SPOCK2: variants seen among roughly 807,000 people sequenced by gnomAD.
SPOCK2 encodes the protein testican-2.
SPOCK2 carries 39 observed loss-of-function variants against 60.1 expected under a neutral mutation model. The ratio of observed to expected loss-of-function variants is 0.65; its 90% confidence interval spans 0.50 to 0.85. SPOCK2 has a LOEUF of 0.85. Among genes scored for constraint, SPOCK2 ranks in the 40% least tolerant of loss-of-function variants. The probability of loss-of-function intolerance (pLI) is 0.00; values close to 1 mark genes in which losing one functional copy is unlikely to be tolerated. For missense variants in SPOCK2, 523 were observed against 567.4 expected (o/e 0.92, Z 0.80); for synonymous variants, 217 against 231.5 (o/e 0.94, Z 0.57).
At chr10:72,078,491 AC>A (rs1156693110) in intron 1 of SPOCK2, among the ~76,000 whole-genome samples, 1 of 152,086 alleles carries the variant, frequency 6.6e-6, no homozygotes. Flanking sequence ...AGCCTGGGCG[AC>A]AGAGTGAGAC....
rs773735518 is a variant in SPOCK2 at position 72,062,469 on chromosome 10, G to A, written c.*291C>T. ...GAAAGAAAACAGCTACAAGGAGGCC[G>A]AAGGGGCCTTTGGGTGACTCACTCT... On this transcript the variant is annotated 3_prime_UTR_variant, in exon 11 of 11. Transcript: ENST00000373109. The surrounding 1 kb of genome is among the most constrained non-coding windows in gnomAD (Gnocchi z 4.3). 1.1e-4 allele frequency: 51 copies of A among 452,694 alleles called. No individual in the cohort carries two copies. Among genetic ancestry groups the A allele is most frequent in the Middle Eastern group, 5.6e-4 (1 of 1,788 alleles). 28.0% of individuals were successfully genotyped at this position (452,694 alleles called of 1,614,324 possible). A position where few individuals can be genotyped will look rare whatever the true frequency, so the allele number is the denominator to read the frequency against.
intron 5 of SPOCK2, chr10:72,070,016 CCT>C (rs1840623318): frequency 1.0e-5 from 3 of 290,464 alleles, no homozygotes; most frequent in Non-Finnish European, 2.0e-5. Context: ...TGAGGTCTTC[CCT>C]CAGTTCCTTT....
In SPOCK2 at chr10:72,066,906, C is replaced by T. The variant is rs1177611820; in HGVS notation, c.924G>A (p.Arg308=). The T allele has an allele frequency of 2.5e-6, 4 of 1,614,042 alleles. No homozygotes were observed. In the South Asian group the frequency reaches 4.4e-5, roughly 18 times the overall value. ...STAEWCFCFW[R]EKPPCLAELE... ...TGGGAGGGGGGCTGCACTCACTCTC[C>T]CTCCAGAAGCAGAAGCACCACTCAG... The change falls in exon 8 of 11, where the codon AGG becomes AGA. Residue 308 remains arginine, a synonymous_variant. Transcript: ENST00000373109.
chr10:72,086,950 A>AAC, intron 1 of SPOCK2: 1 of 1,551,654 alleles, frequency 6.4e-7, no homozygotes, highest in African/African-American at 1.4e-5. Flanking sequence ...GGGAGAGGTC[A>AAC]TGGTGTGGCC....
intron 5 of SPOCK2, among the ~76,000 whole-genome samples, chr10:72,069,817 T>A (rs1018770026): frequency 3.3e-5 from 5 of 152,194 alleles, no homozygotes; most frequent in Non-Finnish European, 7.4e-5. Flanking sequence ...AAAATCCACA[T>A]AAGGTGCAAA....
At position 72,087,792 on chromosome 10, in the gene SPOCK2, ACCGGGTCGGGGTCCAGCGGCAGCCGGGGT is replaced by A. The variant is rs1840881545; in HGVS notation, c.189+319_189+347del. On this transcript the variant is annotated intron_variant, in intron 1 of 10. Transcript: ENST00000373109. This position sits in a 1 kb window ranked among gnomAD's most constrained non-coding sequence, Gnocchi z 4.7. Reference sequence around the variant, plus strand: ...GGCGGCTCGCACAACGCAGCTGGGGACCGGGTCGGGGTCCAGCGGCAGCCGGGGTCCGGGTCCCCCCGGCCCCGCACCCC... The same window carrying A: ...GGCGGCTCGCACAACGCAGCTGGGGACCGGGTCCCCCCGGCCCCGCACCCC... Among the ~76,000 whole-genome samples the A allele has an allele frequency of 6.6e-6, 1 of 151,902 alleles. No homozygotes were observed. The highest frequency in any genetic ancestry group is 2.4e-5 in the African/African-American group (1 of 41,386).
At chr10:72,076,901 T>C (rs893652195) in intron 1 of SPOCK2, among the ~76,000 whole-genome samples, 1 of 152,116 alleles carries the variant, frequency 6.6e-6, no homozygotes, top group Non-Finnish European at 1.5e-5. Context: ...TGAGTCAGGG[T>C]TCCCCATCGC....
At position 72,062,640 on chromosome 10, in the gene SPOCK2, A is replaced by G; in HGVS notation, c.*120T>C. 6.7e-7 allele frequency: 1 copy of G among 1,502,010 alleles called. No homozygotes were observed. The highest frequency in any genetic ancestry group is 8.8e-7 in the Non-Finnish European group (1 of 1,132,642). 93.0% of individuals were successfully genotyped at this position (1,502,010 alleles called of 1,614,324 possible). A position where few individuals can be genotyped will look rare whatever the true frequency, so the allele number is the denominator to read the frequency against. ...ACATGCCATGCACACTCACACTCCCAGTCCCCCCAGGTGGAGCAGGGTCCT... is the reference window on the plus strand; with the variant it reads ...ACATGCCATGCACACTCACACTCCCGGTCCCCCCAGGTGGAGCAGGGTCCT... On this transcript the variant is annotated 3_prime_UTR_variant, in exon 11 of 11. Transcript: ENST00000373109. This position sits in a 1 kb window ranked among gnomAD's most constrained non-coding sequence, Gnocchi z 4.3.
intron 1 of SPOCK2, among the ~76,000 whole-genome samples, chr10:72,078,238 A>G (rs1973000): frequency 0.035 from 5,294 of 152,268 alleles, 313 homozygotes; most frequent in African/African-American, 0.12. Flanking sequence ...ATAATAGGCC[A>G]GGCGCGGTGG....
chr10:72,088,249 T>C lies in SPOCK2; in HGVS notation c.80A>G (p.Lys27Arg), dbSNP rs781474647. 6.8e-6 allele frequency: 11 copies of C among 1,610,552 alleles called. No homozygotes were observed. Among genetic ancestry groups the C allele is most frequent in the East Asian group, 4.5e-5 (2 of 44,816 alleles). Residue 27 changes from lysine to arginine, a missense_variant, in exon 1 of 11, where the codon AAG becomes AGG. Transcript: ENST00000373109. ...GGGGGTCTCGCCCTCCTTGAGCCCC[T>C]TGGCGTCGCCTTCGGCCAGGGCTGC... is the stretch of plus-strand genomic sequence containing the variant. The part of the protein sequence containing the change: ...AAAALAEGDA[K>R]GLKEGETPGN...
rs1564552463 is a variant in SPOCK2 at position 72,087,273 on chromosome 10, A to AG, written c.189+866_189+867insC. On this transcript the variant is annotated intron_variant, in intron 1 of 10. Coordinates refer to ENST00000373109, the MANE Select transcript of SPOCK2 (RefSeq NM_001244950.2). This position sits in a 1 kb window ranked among gnomAD's most constrained non-coding sequence, Gnocchi z 4.7. Reference sequence around the variant, plus strand: ...CTCTGATCCACAGGTGCCGGTAAACAAAAGTGCCGCAGCTACCCCCCCGCC... The same window carrying AG: ...CTCTGATCCACAGGTGCCGGTAAACAGAAAGTGCCGCAGCTACCCCCCCGCC... Among the ~76,000 whole-genome samples the AG allele has an allele frequency of 6.6e-6, 1 of 151,172 alleles. No individual in the cohort carries two copies. Among genetic ancestry groups the AG allele is most frequent in the African/African-American group, 2.4e-5 (1 of 41,080 alleles).
chr10:72,087,992 C>T lies in SPOCK2; in HGVS notation c.189+148G>A. The T allele has an allele frequency of 4.8e-6, 5 of 1,051,216 alleles. No individual in the cohort carries two copies. Among genetic ancestry groups the T allele is most frequent in the Non-Finnish European group, 6.9e-6 (5 of 726,152 alleles). The allele number at this position is 1,051,216 out of a possible 1,614,324, so 65.1% of individuals were successfully genotyped here. On this transcript the variant is annotated intron_variant, in intron 1 of 10. Transcript: ENST00000373109. The surrounding 1 kb of genome is among the most constrained non-coding windows in gnomAD (Gnocchi z 4.7). ...CAGGGGAGGGGCGCTGGGCTGTGAC[C>T]CCCAGTACTGTTTACTTTCCGTGTA...
In SPOCK2 at chr10:72,087,749, G is replaced by A. The variant is rs1197300397; in HGVS notation, c.189+391C>T. Reference sequence around the variant, plus strand: ...TATGTGCAGCCTGCAGCATCCCAGCGGCTGGGGCAGGCCCGGGGGCGGCTC... The same window carrying A: ...TATGTGCAGCCTGCAGCATCCCAGCAGCTGGGGCAGGCCCGGGGGCGGCTC... On this transcript the variant is annotated intron_variant, in intron 1 of 10. Transcript: ENST00000373109. The surrounding 1 kb of genome is among the most constrained non-coding windows in gnomAD (Gnocchi z 4.7). 6.6e-6 allele frequency among the ~76,000 whole-genome samples: 1 copy of A among 152,208 alleles called. No individual in the cohort carries two copies. Among genetic ancestry groups the A allele is most frequent in the Non-Finnish European group, 1.5e-5 (1 of 68,036 alleles).
In SPOCK2 at chr10:72,068,341, AC is replaced by A. The variant is rs1410480607; in HGVS notation, c.475-41del. 1.9e-6 allele frequency: 3 copies of A among 1,542,904 alleles called. No individual in the cohort carries two copies. The African/African-American group carries it at 4.1e-5, about 21-fold the overall frequency. ...AGGTGGAACAGGGGACTGAGGGCTT[AC>A]CCCAGGGGTCCCCACAGCTGGGGAC... On this transcript the variant is annotated intron_variant, in intron 5 of 10. Coordinates refer to ENST00000373109, the MANE Select transcript of SPOCK2 (RefSeq NM_001244950.2).
rs898457041 is a variant in SPOCK2, at chr10:72,086,964, G to C, written c.189+1176C>G. 3.2e-6 allele frequency: 5 copies of C among 1,551,566 alleles called. No homozygotes were observed. The South Asian group carries it at 4.8e-5, about 15-fold the overall frequency. On this transcript the variant is annotated intron_variant, in intron 1 of 10. Coordinates refer to ENST00000373109, the MANE Select transcript of SPOCK2 (RefSeq NM_001244950.2). Reference sequence around the variant, plus strand: ...CGGGAGAGGTCATGGTGTGGCCTGCGTTGTACTGGGTGGGTCGGACGAGGG... The same window carrying C: ...CGGGAGAGGTCATGGTGTGGCCTGCCTTGTACTGGGTGGGTCGGACGAGGG...
intron 1 of SPOCK2, among the ~76,000 whole-genome samples, chr10:72,079,985 T>C (rs1840761838): frequency 6.6e-6 from 1 of 152,056 alleles, no homozygotes; most frequent in African/African-American, 2.4e-5. Context: ...GGCAATCATG[T>C]CTGCAAGGGG....
chr10:72,088,165 A>T lies in SPOCK2; in HGVS notation c.164T>A (p.Ile55Asn). ...GTCTCGGAAGCGGTTCCAGTGCTTG[A>T]TCTTGCCGCTGTACTGCGAGATGGA... ...LSSISQYSGK[I>N]KHWNRFRDEV... The change falls in exon 1 of 11, where the codon ATC becomes AAC. Residue 55 changes from isoleucine to asparagine, a missense_variant. Physicochemically the swap from Ile to Asn is moderately radical, Grantham distance 149. Transcript: ENST00000373109. 6.2e-7 allele frequency: 1 copy of T among 1,612,952 alleles called. No homozygotes were observed. Among genetic ancestry groups the T allele is most frequent in the Non-Finnish European group, 8.5e-7 (1 of 1,179,616 alleles).
At chr10:72,076,911 C>T (rs189975395) in intron 1 of SPOCK2, among the ~76,000 whole-genome samples, 34 of 152,304 alleles carry the variant, frequency 2.2e-4, no homozygotes, top group African/African-American at 7.7e-4. Flanking sequence ...TTCCCCATCG[C>T]CCCCTCCCAC....
In SPOCK2 at chr10:72,068,256, C is replaced by T; in HGVS notation, c.520G>A (p.Val174Met). The change falls in exon 6 of 11, where the codon GTG becomes ATG. Residue 174 changes from valine (V) to methionine (M), a missense_variant. By Grantham distance (21) the Val-to-Met change is conservative (BLOSUM62 1). Transcript: ENST00000373109. ...QACLSSKQLAVRCEGPCPCPT... is the reference protein window; with the variant it reads ...QACLSSKQLAMRCEGPCPCPT... ...CAGGGGCAGGGGCCCTCGCATCGCA[C>T]CGCCAGCTGCTTGCTGCTCAGGCAC... 1 of 1,612,162 alleles carries T rather than the reference C, an allele frequency of 6.2e-7. No homozygotes were observed. The highest frequency in any genetic ancestry group is 8.5e-7 in the Non-Finnish European group (1 of 1,179,484).
Sources: gnomAD v4.1 joint callset for allele counts (sites outside exome capture counted in the v4.1 genomes callset) on GRCh38, gnomAD v4.1.1 for gene constraint, Gnocchi (gnomAD v3.1) non-coding constraint, MANE v1.5 for transcripts, NCBI Gene and HGNC (gene_info 2026-07-23, HGNC 2026-07-21) for gene names.